The following ADAMTSL2 variants were observed in gnomAD, a reference collection of about 807,000 sequenced individuals.
ADAMTSL2 encodes ADAMTS like 2, also known as ADAMTS-like protein 2.
ADAMTSL2 carries 55 observed loss-of-function variants against 117.0 expected under a neutral mutation model. The observed-to-expected ratio is 0.47, with a 90% CI of 0.38 to 0.59. The LOEUF (loss-of-function observed/expected upper bound fraction) is 0.59, where lower values mean the gene tolerates loss of function less well. Ranked by LOEUF, ADAMTSL2 falls within the 20% of genes least tolerant of loss-of-function variation. The pLI is 0.00. For missense variants in ADAMTSL2, 1,182 were observed against 1,354.5 expected (o/e 0.87, Z 2.00); for synonymous variants, 572 against 566.4 (o/e 1.01, Z -0.14).
intron 8 of ADAMTSL2, among the ~76,000 whole-genome samples, chr9:133,546,564 C>T (rs561596019): frequency 1.3e-5 from 2 of 152,204 alleles, no homozygotes; most frequent in South Asian, 4.1e-4. Context: ...AGGGCGATCC[C>T]CAGGAAAGGC....
At chr9:133,563,841 G>A (rs1830814327) in intron 12 of ADAMTSL2, among the ~76,000 whole-genome samples, 13 of 50,396 alleles carry the variant, frequency 2.6e-4, no homozygotes, top group South Asian at 1.2e-3. Flanking sequence ...GAGAGAGAGA[G>A]AGGGAGAGAG....
chr9:133,570,503 C>A lies in ADAMTSL2; in HGVS notation c.2588C>A (p.Ser863Ter). ...TTCAAGTGGTACACCAGCCCCTGGT[C>A]AGAGGTGAGCTCCCAGCCGGCCCCT... is the stretch of plus-strand genomic sequence containing the variant. Reference protein sequence around the residue: ...PCFKWYTSPWSECTKTCGVGV... With the variant: ...PCFKWYTSPW The change falls in exon 17 of 19, where the codon TCA (serine) becomes TAA (stop). Residue 863 changes from serine (S) to a stop codon, truncating the protein, a stop_gained. Coordinates refer to ENST00000651351, the MANE Select transcript of ADAMTSL2 (RefSeq NM_014694.4). LOFTEE classifies it high-confidence loss of function. The A allele has an allele frequency of 6.2e-7, 1 of 1,611,188 alleles. No individual in the cohort carries two copies. The highest frequency in any genetic ancestry group is 1.1e-5 in the South Asian group (1 of 90,640).
chr9:133,535,580 G>A (rs1830032276), intron 1 of ADAMTSL2, among the ~76,000 whole-genome samples: 1 of 152,190 alleles, frequency 6.6e-6, no homozygotes, highest in South Asian at 2.1e-4. Context: ...GGCCTGGCAG[G>A]GGTGAGGGGT....
At chr9:133,533,441 C>A (rs149880321), upstream of ADAMTSL2, among the ~76,000 whole-genome samples, 1 of 152,186 alleles carries the variant, frequency 6.6e-6, no homozygotes, top group Non-Finnish European at 1.5e-5. Context: ...CACTCAGGAG[C>A]GCTGGCATCC....
At chr9:133,541,188 A>T (rs1830214932) in intron 7 of ADAMTSL2, among the ~76,000 whole-genome samples, 187 bp downstream of exon 7, 1 of 152,150 alleles carries the variant, frequency 6.6e-6, no homozygotes, top group Non-Finnish European at 1.5e-5. Flanking sequence ...GCTTGCAAGA[A>T]TGGGCAACCC....
In ADAMTSL2 at chr9:133,557,786, C is replaced by T. The variant is rs1043164143; in HGVS notation, c.1649+1856C>T. ...GCAGTGGGGGGTGCCTTTCAGGACC[C>T]ACTGCCTGGGTCAGGGAGGCCAGCT... On this transcript the variant is annotated intron_variant, in intron 11 of 18. Transcript: ENST00000651351. This position sits in a 1 kb window ranked among gnomAD's most constrained non-coding sequence, Gnocchi z 5.2. Among the ~76,000 whole-genome samples, 30 of 152,304 alleles carry T rather than the reference C, an allele frequency of 2.0e-4. No individual in the cohort carries two copies. Among genetic ancestry groups the T allele is most frequent in the Middle Eastern group, 3.4e-3 (1 of 294 alleles).
chr9:133,555,674 G>A lies in ADAMTSL2; in HGVS notation c.1393G>A (p.Ala465Thr), dbSNP rs1294184749. The change falls in exon 11 of 19, where the codon GCA becomes ACA. Residue 465 changes from alanine (A) to threonine (T), a missense_variant. Ala to Thr is a moderately conservative substitution (Grantham distance 58). Coordinates refer to ENST00000651351, the MANE Select transcript of ADAMTSL2 (RefSeq NM_014694.4). ...ANAISDQLLG[A>T]GSDLKDFTLN... Reference sequence around the variant, plus strand: ...CGCCATCTCTGACCAGCTGCTGGGCGCAGGCTCTGACTTGAAGGACTTCAC... The same window carrying A: ...CGCCATCTCTGACCAGCTGCTGGGCACAGGCTCTGACTTGAAGGACTTCAC... 1.5e-5 allele frequency: 24 copies of A among 1,613,718 alleles called. No individual in the cohort carries two copies. In the Admixed American group the frequency reaches 1.8e-4, roughly 12 times the overall value.
Position 133,575,065 on chromosome 9 carries a change from G to A in ADAMTSL2, c.*201G>A, listed in dbSNP as rs937100656. The A allele has an allele frequency of 6.7e-6, 4 of 597,546 alleles. No homozygotes were observed. Among genetic ancestry groups the A allele is most frequent in the African/African-American group, 5.6e-5 (3 of 53,892 alleles). 37.0% of individuals were successfully genotyped at this position (597,546 alleles called of 1,614,324 possible). On this transcript the variant is annotated 3_prime_UTR_variant, in exon 19 of 19. Transcript: ENST00000651351. Reference sequence around the variant, plus strand: ...GGGGCAGAGCCTCCGGCACCCAGTGGCCTCCCCCAGACAGAGCCACCCCTG... The same window carrying A: ...GGGGCAGAGCCTCCGGCACCCAGTGACCTCCCCCAGACAGAGCCACCCCTG...
rs998102505 is a variant in ADAMTSL2 at position 133,567,099 on chromosome 9, A to C, written c.1874+37A>C. ...CAGGGGCCCTGGGCAGGGGGTCGGC[A>C]GGGGGCGTGAGGGGCTCTGCCCAAA... On this transcript the variant is annotated intron_variant, in intron 13 of 18. Transcript: ENST00000651351. 37 of 1,578,676 alleles carry C rather than the reference A, an allele frequency of 2.3e-5. No individual in the cohort carries two copies. The African/African-American group carries it at 4.0e-4, about 17-fold the overall frequency.
chr9:133,555,996 A>G, intron 11 of ADAMTSL2, 66 bp downstream of exon 11: 2 of 1,577,196 alleles, frequency 1.3e-6, no homozygotes, highest in Non-Finnish European at 1.7e-6. Flanking sequence ...GAGGCCAGGT[A>G]GAAAGTGAGG....
Position 133,554,379 on chromosome 9 carries a change from G to T in ADAMTSL2, c.962G>T (p.Ser321Ile), listed in dbSNP as rs2131137763. ...NVMVWNQNGK[S>I]PSITFEYTLL... ...TAGGTGTGGAACCAGAACGGCAAAA[G>T]CCCCTCCATCACCTTCGAGTACACG... Residue 321 changes from serine to isoleucine, a missense_variant, in exon 10 of 19, where the codon AGC becomes ATC. Ser to Ile is a moderately radical substitution (Grantham distance 142). Around this residue, in one of 3 missense-constraint regions of ADAMTSL2, gnomAD observed 372 missense variants for 463.4 expected, o/e 0.80. Coordinates refer to ENST00000651351, the MANE Select transcript of ADAMTSL2 (RefSeq NM_014694.4). This position sits in a 1 kb window ranked among gnomAD's most constrained non-coding sequence, Gnocchi z 5.2. The T allele has an allele frequency of 6.4e-7, 1 of 1,558,620 alleles. No homozygotes were observed. Among genetic ancestry groups the T allele is most frequent in the Non-Finnish European group, 8.7e-7 (1 of 1,155,532 alleles).
intron 9 of ADAMTSL2, among the ~76,000 whole-genome samples, chr9:133,547,977 G>A (rs1274005815): frequency 6.6e-6 from 1 of 152,260 alleles, no homozygotes; most frequent in Non-Finnish European, 1.5e-5. Flanking sequence ...TAAAGGACTT[G>A]TCATGTCACT....
chr9:133,559,659 C>G lies in ADAMTSL2; in HGVS notation c.1650-1539C>G, dbSNP rs931266810. On this transcript the variant is annotated intron_variant, in intron 11 of 18. Transcript: ENST00000651351. ...GAGTCACTGCGCCTGGCCCCCACCC[C>G]CATTTTTAAAGCTTCCTCTAAGTTC... 4.6e-5 allele frequency among the ~76,000 whole-genome samples: 7 copies of G among 152,160 alleles called. No individual in the cohort carries two copies. The East Asian group carries it at 1.4e-3, about 29-fold the overall frequency.
At chr9:133,541,863 G>A (rs1830233036) in intron 7 of ADAMTSL2, among the ~76,000 whole-genome samples, 1 of 152,224 alleles carries the variant, frequency 6.6e-6, no homozygotes, top group Admixed American at 6.5e-5. Context: ...TACTTTTGGA[G>A]GGATGTCACT....
chr9:133,537,818 G>A (rs1830090047), intron 3 of ADAMTSL2, among the ~76,000 whole-genome samples: 1 of 152,228 alleles, frequency 6.6e-6, no homozygotes, highest in South Asian at 2.1e-4. Context: ...TGTCCTGGAG[G>A]CGGAGAACCA....
chr9:133,563,519 A>ACGTCG (rs1830797701), intron 12 of ADAMTSL2, among the ~76,000 whole-genome samples: 1 of 152,076 alleles, frequency 6.6e-6, no homozygotes, highest in African/African-American at 2.4e-5. Context: ...TGGAGAGGGG[A>ACGTCG]CGTCGCTCGA....
chr9:133,569,881 T>A (rs1462628230), intron 16 of ADAMTSL2, among the ~76,000 whole-genome samples: 1 of 152,238 alleles, frequency 6.6e-6, no homozygotes, highest in Non-Finnish European at 1.5e-5. Flanking sequence ...TTGTTTTGGC[T>A]GCCTGCTCCT....
At chr9:133,569,083 A>G (rs1261273719) in intron 15 of ADAMTSL2, among the ~76,000 whole-genome samples, 2 of 146,670 alleles carry the variant, frequency 1.4e-5, no homozygotes, top group African/African-American at 5.1e-5. Flanking sequence ...CTGTCTCCCC[A>G]TCTCTGTCTC....
chr9:133,553,324 T>G (rs1224633880), intron 9 of ADAMTSL2, among the ~76,000 whole-genome samples: 1 of 152,108 alleles, frequency 6.6e-6, no homozygotes, highest in African/African-American at 2.4e-5. Flanking sequence ...AAGAGCACGC[T>G]CTCTGCTCCT....
Sources: gnomAD v4.1 joint callset for allele counts (sites outside exome capture counted in the v4.1 genomes callset) on GRCh38, gnomAD v4.1.1 for gene constraint, gnomAD v4.1.1 regional missense constraint, Gnocchi (gnomAD v3.1) non-coding constraint, MANE v1.5 for transcripts, NCBI Gene and HGNC (gene_info 2026-07-23, HGNC 2026-07-21) for gene names.